Variants in HERC4 observed in about 807,000 individuals in gnomAD.
The protein encoded by HERC4 is probable E3 ubiquitin-protein ligase HERC4.
In HERC4, 28 loss-of-function variants were observed where a neutral mutation model predicts 124.3. The observed-to-expected ratio is 0.23, with a 90% CI of 0.17 to 0.31. The LOEUF is 0.31. Ranked by LOEUF, HERC4 falls within the 10% of genes least tolerant of loss-of-function variation. The pLI is 1.00. For synonymous variants in HERC4, 407 were observed against 421.5 expected, an observed-to-expected ratio of 0.97 and a Z score of 0.42; for missense variants, 713 against 1,229.3, an observed-to-expected ratio of 0.58 and a Z score of 6.28.
rs573838637 is a variant in HERC4, at chr10:67,939,752, C to A, written c.2505-98G>T. Reference sequence around the variant, plus strand: ...TATATATATATATACTTCTCATTCCCTCTTGGTAAAATCCTTTTGTCAATT... The same window carrying A: ...TATATATATATATACTTCTCATTCCATCTTGGTAAAATCCTTTTGTCAATT... On this transcript the variant is annotated intron_variant, in intron 20 of 24. Transcript: ENST00000373700. The A allele has an allele frequency of 2.7e-4, 134 of 505,452 alleles. 1 individual carries two copies. Among genetic ancestry groups the A allele is most frequent in the African/African-American group, 2.5e-3 (125 of 49,694 alleles). The allele number at this position is 505,452 out of a possible 1,614,324, so 31.3% of individuals were successfully genotyped here.
At chr10:68,007,150 T>C (rs2037621416) in intron 9 of HERC4, among the ~76,000 whole-genome samples, 1 of 152,038 alleles carries the variant, frequency 6.6e-6, no homozygotes, top group South Asian at 2.1e-4. Context: ...CCTGTGGGAG[T>C]ATTTCACTCT....
intron 15 of HERC4, among the ~76,000 whole-genome samples, chr10:67,981,046 A>G (rs1377509942): frequency 6.6e-6 from 1 of 152,220 alleles, no homozygotes; most frequent in Non-Finnish European, 1.5e-5. Flanking sequence ...GTGTGTCCTT[A>G]CTTATCAATA....
intron 8 of HERC4, among the ~76,000 whole-genome samples, chr10:68,017,522 T>G (rs1273179276): frequency 6.6e-6 from 1 of 152,222 alleles, no homozygotes; most frequent in Admixed American, 6.5e-5. Flanking sequence ...TTCGCTCTGT[T>G]GCCCAGGCTG....
rs541349212 is a variant in HERC4, at chr10:67,950,919, C to T, written c.2337+3676G>A. Among the ~76,000 whole-genome samples the T allele has an allele frequency of 1.5e-4, 23 of 152,286 alleles. No individual in the cohort carries two copies. In the East Asian group the frequency reaches 4.2e-3, roughly 28 times the overall value. ...CATTTTCCACTTAAAGAAGACACGG[C>T]TCTTAAGAAAAATGCTAATGCCATG... On this transcript the variant is annotated intron_variant, in intron 19 of 24. Transcript: ENST00000373700.
chr10:68,069,818 A>G (rs777094319), intron 3 of HERC4: 24 of 785,928 alleles, frequency 3.1e-5, no homozygotes, highest in African/African-American at 1.1e-4. Flanking sequence ...CAAGGCGGGC[A>G]GATCACAAGG....
chr10:67,990,806 T>C, intron 13 of HERC4, 98 bp downstream of exon 13: 1 of 629,242 alleles, frequency 1.6e-6, no homozygotes, highest in South Asian at 3.0e-5. Flanking sequence ...ATCGTAAGAG[T>C]CTGTGAAACT....
intron 9 of HERC4, among the ~76,000 whole-genome samples, chr10:68,003,369 T>G (rs1418927604): frequency 6.7e-6 from 1 of 149,820 alleles, no homozygotes; most frequent in Non-Finnish European, 1.5e-5. Flanking sequence ...GAGATGGGGT[T>G]TCACTGTGTT....
chr10:67,983,697 G>A lies in HERC4; in HGVS notation c.1806+4966C>T, dbSNP rs80102766. On this transcript the variant is annotated intron_variant, in intron 15 of 24. Coordinates refer to ENST00000373700, the MANE Select transcript of HERC4 (RefSeq NM_015601.4). ...AGCTGCTCGGGAGGCTGAGGCAGGA[G>A]AACAGCATGAACCCAGGAGGCGGAG... 2.0e-4 allele frequency among the ~76,000 whole-genome samples: 29 copies of A among 146,588 alleles called. No individual in the cohort carries two copies. The East Asian group carries it at 5.8e-3, about 29-fold the overall frequency.
intron 15 of HERC4, among the ~76,000 whole-genome samples, chr10:67,972,763 GGA>G (rs1174722914): frequency 1.1e-4 from 16 of 152,236 alleles, no homozygotes; most frequent in East Asian, 5.8e-4. Context: ...GAATCAGAAA[GGA>G]GAGTAGCAAG....
At chr10:68,068,918 T>C (rs1025767049) in intron 3 of HERC4, 6 of 369,860 alleles carry the variant, frequency 1.6e-5, no homozygotes, top group Non-Finnish European at 2.2e-5. Flanking sequence ...CTTAGCTACA[T>C]ACAACTGTTG....
chr10:68,062,369 T>C lies in HERC4; in HGVS notation c.226+10514A>G, dbSNP rs553358301. Among the ~76,000 whole-genome samples, 495 of 152,288 alleles carry C rather than the reference T, an allele frequency of 3.3e-3. 1 individual carries two copies. Among genetic ancestry groups the C allele is most frequent in the African/African-American group, 0.011 (472 of 41,566 alleles). Reference sequence around the variant, plus strand: ...ATCATACCTGGCTCTTTCCGTTACATTTACTATTTATTTCCATCTGGTTAC... The same window carrying C: ...ATCATACCTGGCTCTTTCCGTTACACTTACTATTTATTTCCATCTGGTTAC... On this transcript the variant is annotated intron_variant, in intron 3 of 24. Transcript: ENST00000373700.
intron 3 of HERC4, among the ~76,000 whole-genome samples, chr10:68,055,244 A>ATAAAT (rs1287905435): frequency 2.6e-5 from 4 of 152,238 alleles, no homozygotes. Context: ...TAAAACATCA[A>ATAAAT]TAAATTAAAA....
intron 7 of HERC4, among the ~76,000 whole-genome samples, 160 bp from the exon 8 acceptor site, chr10:68,025,836 G>A (rs984561238): frequency 3.3e-5 from 5 of 152,092 alleles, no homozygotes; most frequent in African/African-American, 1.2e-4. Context: ...AAAGTAAAAT[G>A]TCATAAAACT....
At chr10:67,953,926 A>G (rs559732033) in intron 19 of HERC4, among the ~76,000 whole-genome samples, 5 of 152,362 alleles carry the variant, frequency 3.3e-5, no homozygotes, top group East Asian at 3.9e-4. Flanking sequence ...ACCTCCAGGC[A>G]GAATGATTAA....
intron 16 of HERC4, 52 bp from the exon 17 acceptor site, chr10:67,957,028 C>A: frequency 1.0e-6 from 1 of 982,720 alleles, no homozygotes; most frequent in Non-Finnish European, 1.5e-6. Flanking sequence ...GATATACTTA[C>A]TGTGGATGCT....
intron 24 of HERC4, among the ~76,000 whole-genome samples, chr10:67,924,582 C>T (rs2030658565): frequency 6.6e-6 from 1 of 152,170 alleles, no homozygotes. Flanking sequence ...TATGGTCTGT[C>T]ATTCACTGAA....
At chr10:67,985,303 AAT>A (rs1235217794) in intron 15 of HERC4, among the ~76,000 whole-genome samples, 1 of 152,224 alleles carries the variant, frequency 6.6e-6, no homozygotes, top group Non-Finnish European at 1.5e-5. Flanking sequence ...TATCTAATAT[AAT>A]AATAAGCACA....
At chr10:68,032,656 T>C (rs975211826) in intron 7 of HERC4, 122 bp downstream of exon 7, 2 of 569,814 alleles carry the variant, frequency 3.5e-6, no homozygotes, top group Non-Finnish European at 6.4e-6. Context: ...TTTTCCCAGA[T>C]AAATTATTTT....
intron 21 of HERC4, among the ~76,000 whole-genome samples, 179 bp from the exon 22 acceptor site, chr10:67,936,414 T>C (rs1186332811): frequency 6.6e-6 from 1 of 152,214 alleles, no homozygotes; most frequent in African/African-American, 2.4e-5. Context: ...AATTTGGTAC[T>C]CTCTAGTTTG....
Sources: allele counts gnomAD v4.1 joint callset (sites outside exome capture counted in the v4.1 genomes callset), GRCh38; gene constraint gnomAD v4.1.1; transcripts MANE v1.5; gene names NCBI Gene and HGNC (gene_info 2026-07-23, HGNC 2026-07-21).